AATF: variants seen among roughly 807,000 people sequenced by gnomAD.
The protein encoded by AATF is protein AATF.
In AATF, 48 loss-of-function variants were observed where a neutral mutation model predicts 63.7. The observed-to-expected ratio is 0.75, with a 90% CI of 0.60 to 0.96. The LOEUF (loss-of-function observed/expected upper bound fraction) is 0.96, where lower values mean the gene tolerates loss of function less well. AATF is among the 40% of genes least tolerant of loss of function. The probability of loss-of-function intolerance (pLI) is 0.00; values close to 1 mark genes in which losing one functional copy is unlikely to be tolerated. For synonymous variants in AATF, 258 were observed against 247.7 expected, an observed-to-expected ratio of 1.04 and a Z score of -0.39; for missense variants, 639 against 685.7, an observed-to-expected ratio of 0.93 and a Z score of 0.76.
intron 8 of AATF, among the ~76,000 whole-genome samples, chr17:37,001,456 A>AAGGAAGG (rs1597720450): frequency 4.3e-5 from 3 of 69,512 alleles, no homozygotes; most frequent in Non-Finnish European, 3.5e-5. Flanking sequence ...AGGAAGGAAG[A>AAGGAAGG]AAAAAAAAAA....
chr17:36,996,972 T>G (rs1296221787), intron 8 of AATF, among the ~76,000 whole-genome samples: 1 of 152,226 alleles, frequency 6.6e-6, no homozygotes, highest in Non-Finnish European at 1.5e-5. Flanking sequence ...GGGAAAGAGA[T>G]AAGAATTGGC....
intron 4 of AATF, among the ~76,000 whole-genome samples, chr17:36,959,950 T>G (rs1282479744): frequency 1.3e-5 from 2 of 152,182 alleles, no homozygotes; most frequent in African/African-American, 4.8e-5. Context: ...CATTTCATAC[T>G]TACACTCTCA....
At chr17:37,031,758 GC>G in intron 11 of AATF, 73 bp downstream of exon 11, 2 of 1,193,840 alleles carry the variant, frequency 1.7e-6, no homozygotes, top group Non-Finnish European at 2.5e-6. Flanking sequence ...TACAGCCTTC[GC>G]CCTCTCCATT....
intron 8 of AATF, among the ~76,000 whole-genome samples, 180 bp downstream of exon 8, chr17:36,991,037 T>C (rs1428650113): frequency 6.6e-6 from 1 of 152,276 alleles, no homozygotes; most frequent in Non-Finnish European, 1.5e-5. Context: ...TCTTCTATTT[T>C]ATGTTTTCCT....
At chr17:37,036,522 G>C (rs866389732) in intron 11 of AATF, among the ~76,000 whole-genome samples, 12 of 152,116 alleles carry the variant, frequency 7.9e-5, no homozygotes, top group African/African-American at 2.9e-4. Flanking sequence ...GGTCTGAGTA[G>C]TGTTATCTAT....
chr17:37,041,241 A>G (rs1262591699), intron 11 of AATF, among the ~76,000 whole-genome samples: 1 of 152,208 alleles, frequency 6.6e-6, no homozygotes, highest in African/African-American at 2.4e-5. Flanking sequence ...AAGCATTTTA[A>G]TAACCTAATA....
At chr17:37,053,798 G>A (rs966340265) in intron 11 of AATF, among the ~76,000 whole-genome samples, 9 of 152,114 alleles carry the variant, frequency 5.9e-5, no homozygotes, top group African/African-American at 1.9e-4. Flanking sequence ...CCCGGGAGGC[G>A]GAGGTTGCAG....
intron 11 of AATF, among the ~76,000 whole-genome samples, chr17:37,053,321 CTAA>C (rs1037073661): frequency 6.6e-6 from 1 of 151,632 alleles, no homozygotes; most frequent in Non-Finnish European, 1.5e-5. Flanking sequence ...TGATTATATC[CTAA>C]TAATAATCCA....
rs78222094 is a variant in AATF, at chr17:36,975,490, C to A, written c.833-11127C>A. Among the ~76,000 whole-genome samples, 26 of 152,290 alleles carry A rather than the reference C, an allele frequency of 1.7e-4. No homozygotes were observed. In the East Asian group the frequency reaches 4.8e-3, roughly 28 times the overall value. On this transcript the variant is annotated intron_variant, in intron 4 of 11. Transcript: ENST00000619387. Reference sequence around the variant, plus strand: ...TTTTTATAGTTTGGTTTACTTAAGCCAAGTTCCATTTTATACTAATCCTTT... The same window carrying A: ...TTTTTATAGTTTGGTTTACTTAAGCAAAGTTCCATTTTATACTAATCCTTT...
chr17:36,951,611 T>A (rs2070855822), intron 2 of AATF, among the ~76,000 whole-genome samples: 1 of 152,228 alleles, frequency 6.6e-6, no homozygotes. Flanking sequence ...TACATAAGTT[T>A]GCTCAAGGTC....
chr17:36,989,743 T>C (rs908750123), intron 7 of AATF, among the ~76,000 whole-genome samples: 2 of 152,206 alleles, frequency 1.3e-5, no homozygotes, highest in African/African-American at 2.4e-5. Flanking sequence ...GTGTGTACTT[T>C]AGGCTCAACG....
rs541770398 is a variant in AATF, at chr17:37,033,850, C to T, written c.1619+2165C>T. On this transcript the variant is annotated intron_variant, in intron 11 of 11. Transcript: ENST00000619387. ...TCAAGGCAGGAAGAAGAGGAAAGAA[C>T]TGTGCCAGCCATACCTGTTTGTTTT... The T allele has an allele frequency of 3.6e-4, 55 of 154,680 alleles. 1 individual carries two copies. In the Middle Eastern group the frequency reaches 6.7e-3, roughly 19 times the overall value. The allele number at this position is 154,680 out of a possible 1,614,324, so 9.6% of individuals were successfully genotyped here.
intron 10 of AATF, chr17:37,021,244 A>G: frequency 2.4e-6 from 1 of 421,652 alleles, no homozygotes; most frequent in Non-Finnish European, 4.2e-6. Flanking sequence ...GAAATAATAT[A>G]TGCATTCCCT....
At chr17:37,014,312 A>G (rs2071414058) in intron 8 of AATF, among the ~76,000 whole-genome samples, 1 of 150,480 alleles carries the variant, frequency 6.6e-6, no homozygotes, top group Non-Finnish European at 1.5e-5. Context: ...AAGGCTGTAT[A>G]TGGAATTTGA....
chr17:36,995,044 G>C (rs1052637632), intron 8 of AATF, among the ~76,000 whole-genome samples: 1 of 152,172 alleles, frequency 6.6e-6, no homozygotes, highest in Non-Finnish European at 1.5e-5. Flanking sequence ...ATTTTGTTCT[G>C]AAAGGACTAA....
intron 4 of AATF, among the ~76,000 whole-genome samples, chr17:36,966,337 T>G (rs2070991135): frequency 6.6e-6 from 1 of 152,092 alleles, no homozygotes. Flanking sequence ...TGATCATAAC[T>G]CACTGCAGGC....
intron 8 of AATF, among the ~76,000 whole-genome samples, chr17:36,996,374 C>A (rs188222640): frequency 6.6e-6 from 1 of 152,106 alleles, no homozygotes; most frequent in East Asian, 1.9e-4. Flanking sequence ...GTCGAAGCTA[C>A]GGTGAGCCAA....
chr17:37,000,744 T>C (rs1053926958), intron 8 of AATF, among the ~76,000 whole-genome samples: 24 of 152,168 alleles, frequency 1.6e-4, no homozygotes, highest in African/African-American at 5.5e-4. Flanking sequence ...ATTTATAGAT[T>C]GGGGAGATGG....
At chr17:36,975,195 TAAATG>T (rs991440481) in intron 4 of AATF, among the ~76,000 whole-genome samples, 5 of 152,160 alleles carry the variant, frequency 3.3e-5, no homozygotes, top group African/African-American at 1.2e-4. Flanking sequence ...TTTCAAAACA[TAAATG>T]AAATTATGCT....
Sources: allele counts gnomAD v4.1 joint callset (sites outside exome capture counted in the v4.1 genomes callset), GRCh38; gene constraint gnomAD v4.1.1; transcripts MANE v1.5; gene names NCBI Gene and HGNC (gene_info 2026-07-23, HGNC 2026-07-21).